Variants in BBX observed in about 807,000 individuals in gnomAD.
BBX encodes HMG box transcription factor BBX.
Under a neutral mutation model 100.2 loss-of-function variants are expected in BBX, and 30 were observed. The ratio of observed to expected loss-of-function variants is 0.30; its 90% CI spans 0.22 to 0.41. The LOEUF (loss-of-function observed/expected upper bound fraction) is 0.41, where lower values mean the gene tolerates loss of function less well. BBX is among the 10% of genes least tolerant of loss of function. The pLI, the probability that BBX is intolerant of heterozygous loss-of-function variation, is 1.00. For synonymous variants in BBX, 376 were observed against 388.1 expected, an observed-to-expected ratio of 0.97 and a Z score of 0.37; for missense variants, 1,023 against 1,129.8, an observed-to-expected ratio of 0.91 and a Z score of 1.35.
At chr3:107,701,957 A>G (rs2061091607) in intron 3 of BBX, among the ~76,000 whole-genome samples, 1 of 152,188 alleles carries the variant, frequency 6.6e-6, no homozygotes, top group African/African-American at 2.4e-5. Flanking sequence ...CCTGCTCACC[A>G]TCATCAGTAG....
chr3:107,728,227 G>A (rs534162628), intron 5 of BBX, among the ~76,000 whole-genome samples: 2 of 152,322 alleles, frequency 1.3e-5, no homozygotes, highest in South Asian at 4.1e-4. Context: ...TAGAGGAATT[G>A]AGGCTGAGAA....
rs1576742061 is a variant in BBX, at chr3:107,773,730, G to A, written c.1915+94G>A. Reference sequence around the variant, plus strand: ...AAACAACTGCCATAAAAAACAATATGGTATCAAAATAATACCTTACATTTG... The same window carrying A: ...AAACAACTGCCATAAAAAACAATATAGTATCAAAATAATACCTTACATTTG... On this transcript the variant is annotated intron_variant, in intron 11 of 17. Transcript: ENST00000325805. The surrounding 1 kb of genome is among the most constrained non-coding windows in gnomAD (Gnocchi z 4.1). The A allele has an allele frequency of 1.8e-6, 2 of 1,108,062 alleles. No individual in the cohort carries two copies. The highest frequency in any genetic ancestry group is 1.7e-5 in the South Asian group (1 of 57,936). 68.6% of individuals were successfully genotyped at this position (1,108,062 alleles called of 1,614,324 possible). A position where few individuals can be genotyped will look rare whatever the true frequency, so the allele number is the denominator to read the frequency against.
intron 17 of BBX, among the ~76,000 whole-genome samples, chr3:107,804,685 T>C (rs1269994561): frequency 6.6e-6 from 1 of 152,234 alleles, no homozygotes; most frequent in Admixed American, 6.5e-5. Flanking sequence ...CCATGTGTAT[T>C]GATTTTCACC....
At chr3:107,768,419 T>C (rs745855231) in intron 10 of BBX, among the ~76,000 whole-genome samples, 2 of 152,226 alleles carry the variant, frequency 1.3e-5, no homozygotes, top group Admixed American at 6.5e-5. Flanking sequence ...AGTTTATTAA[T>C]GTTCAAATCA....
intron 2 of BBX, among the ~76,000 whole-genome samples, chr3:107,553,320 T>C (rs1435843918): frequency 1.3e-5 from 2 of 152,240 alleles, no homozygotes; most frequent in Non-Finnish European, 2.9e-5. Flanking sequence ...TACCATTTTA[T>C]CTATGAAGAA....
At chr3:107,662,113 A>G (rs2058479778) in intron 3 of BBX, among the ~76,000 whole-genome samples, 1 of 152,252 alleles carries the variant, frequency 6.6e-6, no homozygotes, top group Admixed American at 6.5e-5. Flanking sequence ...AACAATGACA[A>G]ATTAAAAAGC....
At chr3:107,590,705 A>G (rs1247189675) in intron 2 of BBX, among the ~76,000 whole-genome samples, 6 of 152,202 alleles carry the variant, frequency 3.9e-5, no homozygotes, top group African/African-American at 1.2e-4. Flanking sequence ...GTACCATCAG[A>G]GCACCTCCTA....
At chr3:107,578,044 A>G (rs2051936416) in intron 2 of BBX, among the ~76,000 whole-genome samples, 1 of 152,206 alleles carries the variant, frequency 6.6e-6, no homozygotes, top group African/African-American at 2.4e-5. Context: ...GTGGTTTTAG[A>G]TAAAGTGCAT....
intron 15 of BBX, among the ~76,000 whole-genome samples, chr3:107,797,320 G>T (rs1390050708): frequency 3.7e-5 from 2 of 53,974 alleles, no homozygotes; most frequent in Non-Finnish European, 3.4e-5. Flanking sequence ...TTTCCTCTTA[G>T]TTTAGCTTTT....
At chr3:107,696,710 C>T (rs1475188133) in intron 3 of BBX, among the ~76,000 whole-genome samples, 3 of 151,432 alleles carry the variant, frequency 2.0e-5, no homozygotes, top group African/African-American at 4.9e-5. Context: ...ATCTTTGTGG[C>T]GTTCTCTGTA....
chr3:107,544,574 A>G (rs753303060), intron 2 of BBX, among the ~76,000 whole-genome samples: 6 of 152,212 alleles, frequency 3.9e-5, no homozygotes, highest in African/African-American at 7.2e-5. Context: ...TTTAAAAGTT[A>G]TAAATATAAT....
rs2068819146 is a variant in BBX at position 107,789,947 on chromosome 3, T to C, written c.2293+71T>C. Reference sequence around the variant, plus strand: ...ATTGTGATTCATCTTTGAGTAATGCTCCCATGCACTGCCTTTGCCTTGTCC... The same window carrying C: ...ATTGTGATTCATCTTTGAGTAATGCCCCCATGCACTGCCTTTGCCTTGTCC... On this transcript the variant is annotated intron_variant, in intron 14 of 17. Coordinates refer to ENST00000325805, the MANE Select transcript of BBX (RefSeq NM_001142568.3). 7 of 1,204,548 alleles carry C rather than the reference T, an allele frequency of 5.8e-6. No homozygotes were observed. In the South Asian group the frequency reaches 1.0e-4, roughly 18 times the overall value. The allele number at this position is 1,204,548 out of a possible 1,614,324, so 74.6% of individuals were successfully genotyped here. A position where few individuals can be genotyped will look rare whatever the true frequency, so the allele number is the denominator to read the frequency against.
intron 2 of BBX, among the ~76,000 whole-genome samples, chr3:107,557,813 T>C (rs1165931586): frequency 2.0e-5 from 3 of 152,200 alleles, no homozygotes; most frequent in African/African-American, 4.8e-5. Flanking sequence ...ATTTCAGTTG[T>C]TAGTGTTAGG....
chr3:107,742,428 A>G (rs1049839207), intron 7 of BBX, among the ~76,000 whole-genome samples: 5 of 151,750 alleles, frequency 3.3e-5, no homozygotes, highest in Non-Finnish European at 7.4e-5. Flanking sequence ...TACTCTCCCA[A>G]TTCTCCTGGC....
At chr3:107,624,874 A>T (rs1414957213) in intron 2 of BBX, among the ~76,000 whole-genome samples, 1 of 152,250 alleles carries the variant, frequency 6.6e-6, no homozygotes, top group African/African-American at 2.4e-5. Context: ...ATATCAAAAA[A>T]AGAAAAAATA....
Position 107,663,504 on chromosome 3 carries a change from C to A in BBX, c.-10+17595C>A, listed in dbSNP as rs1207334925. On this transcript the variant is annotated intron_variant, in intron 3 of 17. Coordinates refer to ENST00000325805, the MANE Select transcript of BBX (RefSeq NM_001142568.3). ...CAGATTCCATTGCCTCTCTTTACCC[C>A]CTCATCACAATCCTTAATGTTGAGT... Among the ~76,000 whole-genome samples the A allele has an allele frequency of 2.0e-5, 3 of 152,214 alleles. No homozygotes were observed. The South Asian group carries it at 6.2e-4, about 32-fold the overall frequency.
chr3:107,743,918 G>GTTTTTTTTTTTTTTTTTTTTTTTTTAT (rs34762783), intron 7 of BBX, among the ~76,000 whole-genome samples: 6 of 56,620 alleles, frequency 1.1e-4, no homozygotes, highest in Non-Finnish European at 1.8e-4. Context: ...TGTTTTAGTG[G>GTTTTTTTTTTTTTTTTTTTTTTTTTAT]TTTTTTTTTT....
At chr3:107,781,102 G>A (rs991601515) in intron 13 of BBX, among the ~76,000 whole-genome samples, 3 of 151,984 alleles carry the variant, frequency 2.0e-5, no homozygotes, top group Non-Finnish European at 4.4e-5. Flanking sequence ...TTTCTAAAGT[G>A]TAATTTCTAA....
chr3:107,619,794 A>G lies in BBX; in HGVS notation c.-83-26042A>G, dbSNP rs1005346197. 1.8e-4 allele frequency among the ~76,000 whole-genome samples: 27 copies of G among 152,128 alleles called. 1 individual carries two copies. The highest frequency in any genetic ancestry group is 1.2e-4 in the Non-Finnish European group (8 of 68,028). On this transcript the variant is annotated intron_variant, in intron 2 of 17. Transcript: ENST00000325805. The stretch of plus-strand genomic sequence containing the variant: ...CTTCTGACCTCTGTGGTTTCTAATG[A>G]GGAATCTGTCATTTGAATGTTATTC...
Sources: allele counts gnomAD v4.1 joint callset (sites outside exome capture counted in the v4.1 genomes callset), GRCh38; gene constraint gnomAD v4.1.1; non-coding constraint Gnocchi (gnomAD v3.1); transcripts MANE v1.5; gene names NCBI Gene and HGNC (gene_info 2026-07-23, HGNC 2026-07-21).